The following DPYD variants were observed in gnomAD, a reference collection of about 807,000 sequenced individuals.
DPYD encodes the protein dihydropyrimidine dehydrogenase.
A neutral mutation model predicts 116.2 loss-of-function variants in DPYD; 109 were observed. The ratio of observed to expected loss-of-function variants is 0.94; its 90% CI spans 0.80 to 1.10. The LOEUF is 1.10. Ranked by LOEUF, DPYD falls within the 50% of genes least tolerant of loss-of-function variation. The probability of loss-of-function intolerance (pLI) is 0.00; values close to 1 mark genes in which losing one functional copy is unlikely to be tolerated. For synonymous variants in DPYD, 440 were observed against 432.0 expected (o/e 1.02, Z -0.23); for missense variants, 1,302 against 1,254.5 (o/e 1.04, Z -0.57).
At position 97,592,254 on chromosome 1, in the gene DPYD, T is replaced by C. The variant is rs72732352; in HGVS notation, c.1128+964A>G. ...AACTAATATTCTTTATAAGGTATTA[T>C]ATTTCTCTAATAGCATTAAAATTTG... On this transcript the variant is annotated intron_variant, in intron 10 of 22. Transcript: ENST00000370192. 2.1e-3 allele frequency among the ~76,000 whole-genome samples: 317 copies of C among 152,356 alleles called. 1 individual carries two copies. The highest frequency in any genetic ancestry group is 0.01 in the Middle Eastern group (3 of 294).
intron 3 of DPYD, among the ~76,000 whole-genome samples, chr1:97,759,484 G>A (rs549754432): frequency 6.6e-6 from 1 of 152,052 alleles, no homozygotes; most frequent in South Asian, 2.1e-4. Flanking sequence ...TCTTTTTCCT[G>A]CTAGCCATCA....
chr1:97,804,020 T>C (rs1667961988), intron 3 of DPYD, among the ~76,000 whole-genome samples: 1 of 151,854 alleles, frequency 6.6e-6, no homozygotes, highest in African/African-American at 2.4e-5. Context: ...TAAATCGAAG[T>C]AGTTTTATGA....
At chr1:97,534,085 TG>T (rs1395141404) in intron 12 of DPYD, among the ~76,000 whole-genome samples, 1 of 152,146 alleles carries the variant, frequency 6.6e-6, no homozygotes, top group Non-Finnish European at 1.5e-5. Flanking sequence ...ACCTACCCAT[TG>T]TTTCAATTGT....
intron 3 of DPYD, among the ~76,000 whole-genome samples, chr1:97,748,080 G>A (rs1664655676): frequency 6.6e-6 from 1 of 152,068 alleles, no homozygotes; most frequent in Non-Finnish European, 1.5e-5. Flanking sequence ...AATTATTTAT[G>A]TACATTAAAC....
At chr1:97,651,126 CAT>C (rs1355003203) in intron 8 of DPYD, among the ~76,000 whole-genome samples, 2 of 152,084 alleles carry the variant, frequency 1.3e-5, no homozygotes. Context: ...ATACATAAAA[CAT>C]GTACAATTTT....
chr1:97,369,567 C>T (rs760650902), intron 16 of DPYD, among the ~76,000 whole-genome samples: 6 of 152,116 alleles, frequency 3.9e-5, no homozygotes, highest in Non-Finnish European at 7.4e-5. Context: ...AGGGCCTCTG[C>T]CTTGTGAAAA....
At chr1:97,914,239 T>C (rs1674107292) in intron 1 of DPYD, among the ~76,000 whole-genome samples, 1 of 152,108 alleles carries the variant, frequency 6.6e-6, no homozygotes, top group Non-Finnish European at 1.5e-5. Context: ...TGGTGCAAAA[T>C]AGGTTATCTC....
chr1:97,534,922 A>C (rs1314177248), intron 12 of DPYD, among the ~76,000 whole-genome samples: 1 of 152,126 alleles, frequency 6.6e-6, no homozygotes, highest in Non-Finnish European at 1.5e-5. Context: ...TAAAATTATA[A>C]TTCTGCCCCT....
At chr1:97,394,734 A>C (rs1221770664) in intron 14 of DPYD, among the ~76,000 whole-genome samples, 1 of 152,030 alleles carries the variant, frequency 6.6e-6, no homozygotes, top group Non-Finnish European at 1.5e-5. Context: ...ATTGCAATAA[A>C]ATGAGGTATG....
rs933133344 is a variant in DPYD, at chr1:97,613,382, T to C, written c.851-18216A>G. 4.6e-5 allele frequency among the ~76,000 whole-genome samples: 7 copies of C among 152,076 alleles called. No individual in the cohort carries two copies. In the East Asian group the frequency reaches 1.4e-3, roughly 29 times the overall value. ...ATCAATCATAACTCTCTGAAAATGA[T>C]GAGAAAAAAAGAGTGGACATGTCAC... On this transcript the variant is annotated intron_variant, in intron 8 of 22. Transcript: ENST00000370192.
intron 2 of DPYD, among the ~76,000 whole-genome samples, chr1:97,863,601 A>T (rs1671229196): frequency 6.6e-6 from 1 of 151,888 alleles, no homozygotes; most frequent in Non-Finnish European, 1.5e-5. Flanking sequence ...GGAATAGATC[A>T]ATATGTACTG....
chr1:97,644,095 A>T (rs985184983), intron 8 of DPYD, among the ~76,000 whole-genome samples: 17 of 151,992 alleles, frequency 1.1e-4, no homozygotes, highest in Middle Eastern at 3.4e-3. Flanking sequence ...AAAAAAGAAA[A>T]TTGTATTTTT....
At chr1:97,138,206 G>A (rs893771574) in intron 20 of DPYD, among the ~76,000 whole-genome samples, 2 of 152,146 alleles carry the variant, frequency 1.3e-5, no homozygotes, top group Non-Finnish European at 2.9e-5. Context: ...GTTTCTATAT[G>A]AGAATGGCAT....
At chr1:97,592,465 C>T (rs753085559) in intron 10 of DPYD, among the ~76,000 whole-genome samples, 14 of 152,152 alleles carry the variant, frequency 9.2e-5, no homozygotes, top group Non-Finnish European at 1.9e-4. Context: ...CTCCCGGGTT[C>T]ACGCCATTCT....
intron 2 of DPYD, among the ~76,000 whole-genome samples, chr1:97,871,179 C>T (rs1043698275): frequency 2.0e-5 from 3 of 151,882 alleles, no homozygotes; most frequent in Admixed American, 6.6e-5. Context: ...TCTTAACACA[C>T]ATCTGCTTTA....
chr1:97,698,316 T>A (rs774826923), intron 6 of DPYD, among the ~76,000 whole-genome samples: 10 of 151,896 alleles, frequency 6.6e-5, no homozygotes, highest in Non-Finnish European at 1.3e-4. Flanking sequence ...AATAAATATA[T>A]CAACATATTT....
intron 6 of DPYD, among the ~76,000 whole-genome samples, chr1:97,695,311 G>A (rs1335269575): frequency 6.7e-6 from 1 of 149,930 alleles, no homozygotes; most frequent in Non-Finnish European, 1.5e-5. Flanking sequence ...TGGTTATTGT[G>A]TGATTCTTAT....
chr1:97,222,242 A>G (rs1189425421), intron 19 of DPYD, among the ~76,000 whole-genome samples: 1 of 152,098 alleles, frequency 6.6e-6, no homozygotes, highest in Non-Finnish European at 1.5e-5. Context: ...AGTAGAAAGG[A>G]TTTGTCAGGG....
At chr1:97,778,168 A>AG (rs1295735991) in intron 3 of DPYD, among the ~76,000 whole-genome samples, 2 of 134,710 alleles carry the variant, frequency 1.5e-5, no homozygotes, top group African/African-American at 5.7e-5. Context: ...AAAAAAAAAA[A>AG]AAAAAGAAAG....
Sources: gnomAD v4.1 joint callset for allele counts (sites outside exome capture counted in the v4.1 genomes callset) on GRCh38, gnomAD v4.1.1 for gene constraint, MANE v1.5 for transcripts, NCBI Gene and HGNC (gene_info 2026-07-23, HGNC 2026-07-21) for gene names.